Variants in KCNG4 observed in about 807,000 individuals in gnomAD.
KCNG4 encodes the protein potassium voltage-gated channel modifier subfamily G member 4, also known as voltage-gated potassium channel regulatory subunit KCNG4.
In KCNG4, 30 loss-of-function variants were observed where a neutral mutation model predicts 28.2. The ratio of observed to expected loss-of-function variants is 1.06; its 90% CI spans 0.80 to 1.44. The LOEUF is 1.44. Among genes scored for constraint, KCNG4 ranks in the 40% most tolerant of loss-of-function variants. The pLI, the probability that KCNG4 is intolerant of heterozygous loss-of-function variation, is 0.00. For synonymous variants in KCNG4, 375 were observed against 315.5 expected (o/e 1.19, Z -2.00); for missense variants, 879 against 712.3 (o/e 1.23, Z -2.66).
rs572757692 is a variant in KCNG4 at position 84,222,447 on chromosome 16, G to A, written c.1330C>T (p.Leu444Phe). 4 of 1,614,112 alleles carry A rather than the reference G, an allele frequency of 2.5e-6. No individual in the cohort carries two copies. In the South Asian group the frequency reaches 3.3e-5, roughly 13 times the overall value. ...GACGTGGCCGGGAAGGCCATGATGA[G>A]GATCCCGCTCAGGATGCTGCTGAGG... ...VALSSILSGI[L>F]IMAFPATSIF... Residue 444 changes from leucine to phenylalanine, a missense_variant, in exon 3 of 3, where the codon CTC becomes TTC. By Grantham distance (22) the Leu-to-Phe change is conservative (BLOSUM62 0). Coordinates refer to ENST00000308251, the MANE Select transcript of KCNG4 (RefSeq NM_172347.3).
intron 2 of KCNG4, among the ~76,000 whole-genome samples, chr16:84,229,016 G>A (rs1904763174): frequency 6.6e-6 from 1 of 152,204 alleles, no homozygotes; most frequent in South Asian, 2.1e-4. Flanking sequence ...AGCTGCCACT[G>A]GGCTGGGCAT....
rs931348875 is a variant in KCNG4, at chr16:84,219,326, G to A, written c.*2891C>T. The A allele has an allele frequency of 1.3e-5, 2 of 152,470 alleles. No homozygotes were observed. The highest frequency in any genetic ancestry group is 2.9e-5 in the Non-Finnish European group (2 of 68,172). The allele number at this position is 152,470 out of a possible 1,614,324, so 9.4% of individuals were successfully genotyped here. On this transcript the variant is annotated 3_prime_UTR_variant, in exon 3 of 3. Transcript: ENST00000308251. ...GAAGGGGCCTGCCCGAGGTCACACA[G>A]GGAGTGAAGACACTGGGTTTCAGCC...
chr16:84,229,566 G>A (rs1047437550), intron 2 of KCNG4, among the ~76,000 whole-genome samples: 8 of 152,358 alleles, frequency 5.3e-5, no homozygotes, highest in South Asian at 2.1e-4. Flanking sequence ...CTGGTGTCCC[G>A]TCAGCAGTCA....
intron 2 of KCNG4, among the ~76,000 whole-genome samples, chr16:84,227,174 G>A (rs1350027617): frequency 6.6e-6 from 1 of 152,192 alleles, no homozygotes; most frequent in Non-Finnish European, 1.5e-5. Flanking sequence ...CAGCGGCAGT[G>A]GAAACAGTTT....
chr16:84,228,608 AC>A (rs899514930), intron 2 of KCNG4, among the ~76,000 whole-genome samples: 2 of 44,698 alleles, frequency 4.5e-5, no homozygotes, highest in African/African-American at 1.7e-4. Context: ...TCTCCCCGCC[AC>A]CCCCCCGCCC....
In KCNG4 at chr16:84,237,366, G is replaced by A; in HGVS notation, c.120C>T (p.Tyr40=). ...PMETPSIKGL[Y]YRRVRKVGAL... The stretch of plus-strand genomic sequence containing the variant: ...CACCCACCTTCCGCACCCTCCGGTA[G>A]TAAAGGCCCTTGATGGACGGCGTCT... The change falls in exon 2 of 3, where the codon TAC becomes TAT. Residue 40 remains tyrosine, a synonymous_variant. Transcript: ENST00000308251. The A allele has an allele frequency of 6.5e-7, 1 of 1,550,380 alleles. No individual in the cohort carries two copies. The highest frequency in any genetic ancestry group is 8.7e-7 in the Non-Finnish European group (1 of 1,150,118).
chr16:84,235,190 T>G (rs1054063191), intron 2 of KCNG4, among the ~76,000 whole-genome samples: 1 of 152,204 alleles, frequency 6.6e-6, no homozygotes, highest in Non-Finnish European at 1.5e-5. Flanking sequence ...GCATTAGGTT[T>G]TGAAAAGATC....
In KCNG4 at chr16:84,237,524, G is replaced by C. The variant is rs376779794; in HGVS notation, c.-39C>G. 1 of 1,449,712 alleles carries C rather than the reference G, an allele frequency of 6.9e-7. No individual in the cohort carries two copies. Among genetic ancestry groups the C allele is most frequent in the African/African-American group, 1.4e-5 (1 of 70,594 alleles). 89.8% of individuals were successfully genotyped at this position (1,449,712 alleles called of 1,614,324 possible). A position where few individuals can be genotyped will look rare whatever the true frequency, so the allele number is the denominator to read the frequency against. On this transcript the variant is annotated splice_region_variant and 5_prime_UTR_variant, in exon 2 of 3. Transcript: ENST00000308251. ...CAGGTAGGAAGCGCTGGGTTTACCA[G>C]TCTGACACCCAAGGGACAAAGAGCA...
At position 84,222,558 on chromosome 16, in the gene KCNG4, C is replaced by G. The variant is rs763574802; in HGVS notation, c.1219G>C (p.Ala407Pro). ...GRVLEFTSIP[A>P]SYWWAIISMT... ...GAGATGATGGCCCACCAATAGGAGGCGGGGATGCTGGTGAACTCCAGCACC... is the reference window on the plus strand; with the variant it reads ...GAGATGATGGCCCACCAATAGGAGGGGGGGATGCTGGTGAACTCCAGCACC... The change falls in exon 3 of 3, where the codon GCC (alanine) becomes CCC (proline). Residue 407 changes from alanine (A) to proline (P), a missense_variant. By Grantham distance (27) the Ala-to-Pro change is conservative (BLOSUM62 -1). Coordinates refer to ENST00000308251, the MANE Select transcript of KCNG4 (RefSeq NM_172347.3). 13 of 1,613,310 alleles carry G rather than the reference C, an allele frequency of 8.1e-6. No individual in the cohort carries two copies. Among genetic ancestry groups the G allele is most frequent in the Middle Eastern group, 1.6e-4 (1 of 6,082 alleles).
In KCNG4 at chr16:84,226,951, C is replaced by T. The variant is rs1156758223; in HGVS notation, c.757-3931G>A. ...GCTAAGTCATGGAGTCATGGTTTCC[C>T]AGAAGTTCCTTATATTATTCTATTT... On this transcript the variant is annotated intron_variant, in intron 2 of 2. Coordinates refer to ENST00000308251, the MANE Select transcript of KCNG4 (RefSeq NM_172347.3). This position sits in a 1 kb window ranked among gnomAD's most constrained non-coding sequence, Gnocchi z 4.1. Among the ~76,000 whole-genome samples, 1 of 151,926 alleles carries T rather than the reference C, an allele frequency of 6.6e-6. No homozygotes were observed. Among genetic ancestry groups the T allele is most frequent in the Non-Finnish European group, 1.5e-5 (1 of 67,980 alleles).
At chr16:84,228,609 C>T (rs1904750758) in intron 2 of KCNG4, among the ~76,000 whole-genome samples, 1 of 152,030 alleles carries the variant, frequency 6.6e-6, no homozygotes, top group Middle Eastern at 3.4e-3. Context: ...CTCCCCGCCA[C>T]CCCCCCGCCC....
chr16:84,233,403 C>T (rs16963089), intron 2 of KCNG4, among the ~76,000 whole-genome samples: 18,987 of 152,084 alleles, frequency 0.12, 1,363 homozygotes, highest in East Asian at 0.27. Context: ...GGCGAAGTGG[C>T]CCAGAATTGA....
intron 2 of KCNG4, among the ~76,000 whole-genome samples, chr16:84,230,221 A>G (rs1056178700): frequency 1.3e-5 from 2 of 152,162 alleles, no homozygotes; most frequent in African/African-American, 4.8e-5. Flanking sequence ...CCTGGCCAAC[A>G]TGGCGAAACC....
rs372899989 is a variant in KCNG4 at position 84,222,195 on chromosome 16, T to C, written c.*22A>G. 11 of 1,611,380 alleles carry C rather than the reference T, an allele frequency of 6.8e-6. No homozygotes were observed. The highest frequency in any genetic ancestry group is 1.7e-5 in the Admixed American group (1 of 59,800). ...GCAGGGTGATGGGTTGAGGTTACCA[T>C]GTAGTCATGGGGGGTGCTGAGTTAC... On this transcript the variant is annotated 3_prime_UTR_variant, in exon 3 of 3. Coordinates refer to ENST00000308251, the MANE Select transcript of KCNG4 (RefSeq NM_172347.3).
intron 2 of KCNG4, among the ~76,000 whole-genome samples, chr16:84,224,411 C>CACACACACACAT (rs1555536140): frequency 0.023 from 3,051 of 131,980 alleles, 115 homozygotes; most frequent in African/African-American, 0.072. Context: ...TTTACACACA[C>CACACACACACAT]ACACACACAC....
chr16:84,227,138 A>C (rs1904716479), intron 2 of KCNG4, among the ~76,000 whole-genome samples: 1 of 152,210 alleles, frequency 6.6e-6, no homozygotes, highest in African/African-American at 2.4e-5. Flanking sequence ...GGAACCCATC[A>C]CTACTGGTGG....
At chr16:84,229,461 G>A (rs1294609568) in intron 2 of KCNG4, among the ~76,000 whole-genome samples, 1 of 152,238 alleles carries the variant, frequency 6.6e-6, no homozygotes, top group African/African-American at 2.4e-5. Flanking sequence ...AGGGCCAGGA[G>A]CCCAGCAGGG....
Position 84,222,178 on chromosome 16 carries a change from A to G in KCNG4, c.*39T>C. 6.3e-7 allele frequency: 1 copy of G among 1,597,626 alleles called. No homozygotes were observed. Among genetic ancestry groups the G allele is most frequent in the East Asian group, 2.2e-5 (1 of 44,668 alleles). On this transcript the variant is annotated 3_prime_UTR_variant, in exon 3 of 3. Transcript: ENST00000308251. ...CCTTGAGTGTGTTTCAGGCAGGGTGATGGGTTGAGGTTACCATGTAGTCAT... is the reference window on the plus strand; with the variant it reads ...CCTTGAGTGTGTTTCAGGCAGGGTGGTGGGTTGAGGTTACCATGTAGTCAT...
intron 2 of KCNG4, among the ~76,000 whole-genome samples, chr16:84,229,818 T>C (rs1051997996): frequency 4.6e-5 from 7 of 152,112 alleles, no homozygotes; most frequent in Middle Eastern, 3.4e-3. Context: ...GGCTGGGACA[T>C]AGGGAGAGAC....
Sources: gnomAD v4.1 joint callset for allele counts (sites outside exome capture counted in the v4.1 genomes callset) on GRCh38, gnomAD v4.1.1 for gene constraint, Gnocchi (gnomAD v3.1) non-coding constraint, MANE v1.5 for transcripts, NCBI Gene and HGNC (gene_info 2026-07-23, HGNC 2026-07-21) for gene names.